FANCB: variants seen among roughly 807,000 people sequenced by gnomAD.
The protein encoded by FANCB is FA complementation group B.
Under a neutral mutation model 38.9 loss-of-function variants are expected in FANCB, and 5 were observed. That is an observed-to-expected ratio of 0.13 (90% CI 0.07 to 0.27). The LOEUF is 0.27. FANCB is among the 10% of genes least tolerant of loss of function. The pLI is 1.00. For synonymous variants in FANCB, 236 were observed against 215.4 expected (o/e 1.10, Z -0.84); for missense variants, 573 against 602.7 (o/e 0.95, Z 0.52).
At chrX:14,747,933 T>G in the FANCB span, among the ~76,000 whole-genome samples, 1 of 112,152 alleles carries the variant, frequency 8.9e-6, no homozygotes, top group East Asian at 2.8e-4. Flanking sequence ...ATAGAACAAC[T>G]GATTTCATTA....
At chrX:14,830,220 G>A in the FANCB span, among the ~76,000 whole-genome samples, 12 of 111,716 alleles carry the variant, frequency 1.1e-4, no homozygotes, top group Non-Finnish European at 1.5e-4. Context: ...TACAATAGTA[G>A]TGTCAAAGAT....
chrX:14,812,464 A>G, the FANCB span, among the ~76,000 whole-genome samples: 7 of 111,471 alleles, frequency 6.3e-5, no homozygotes, highest in African/African-American at 2.0e-4. Flanking sequence ...TAGATGCAAT[A>G]AAAAATGATA....
chrX:14,700,251 T>C, the FANCB span, among the ~76,000 whole-genome samples: 1 of 110,638 alleles, frequency 9.0e-6, no homozygotes, highest in African/African-American at 3.3e-5. Context: ...TGGATAAGAT[T>C]ACCCAGCAGG....
chrX:14,796,505 T>C, the FANCB span, among the ~76,000 whole-genome samples: 1 of 97,285 alleles, frequency 1.0e-5, no homozygotes, highest in African/African-American at 3.7e-5. Flanking sequence ...ATATATAACA[T>C]ATATAATATA....
chrX:14,846,830 G>GAA (rs764339798), intron 7 of FANCB, among the ~76,000 whole-genome samples: 33 of 95,232 alleles, frequency 3.5e-4, no homozygotes, highest in African/African-American at 9.9e-4. Context: ...TACTTTGCAT[G>GAA]AAAAAAAAAA....
At chrX:14,711,176 A>T in the FANCB span, among the ~76,000 whole-genome samples, 1 of 112,185 alleles carries the variant, frequency 8.9e-6, no homozygotes, top group Non-Finnish European at 1.9e-5. Context: ...TGTTCCTTCT[A>T]TTCTTGTTCC....
At chrX:14,833,659 T>A (rs1328155376), downstream of FANCB, among the ~76,000 whole-genome samples, 1 of 57,733 alleles carries the variant, frequency 1.7e-5, no homozygotes, top group Non-Finnish European at 3.0e-5. Context: ...TAGAATCACC[T>A]GGGGAGGCTG....
At chrX:14,804,605 G>A in the FANCB span, among the ~76,000 whole-genome samples, 1 of 110,578 alleles carries the variant, frequency 9.0e-6, no homozygotes, top group Non-Finnish European at 1.9e-5. Flanking sequence ...TGCACGTTGT[G>A]CACATGTACC....
At chrX:14,779,951 G>A in the FANCB span, among the ~76,000 whole-genome samples, 19 of 111,208 alleles carry the variant, frequency 1.7e-4, no homozygotes, top group South Asian at 6.5e-3. Context: ...TTTTCCAAGT[G>A]TGTTACTAAG....
chrX:14,852,345 T>G (rs985542341), intron 6 of FANCB, among the ~76,000 whole-genome samples: 1 of 109,704 alleles, frequency 9.1e-6, no homozygotes, highest in Admixed American at 9.7e-5. Flanking sequence ...ATTTTTGTAT[T>G]TTTAGTAGAG....
chrX:14,737,425 A>G, the FANCB span, among the ~76,000 whole-genome samples: 1 of 112,267 alleles, frequency 8.9e-6, no homozygotes, highest in Non-Finnish European at 1.9e-5. Flanking sequence ...CAAATATTGA[A>G]TAATTTTCAT....
the FANCB span, among the ~76,000 whole-genome samples, chrX:14,727,926 C>A: frequency 3.0e-4 from 34 of 111,926 alleles, no homozygotes; most frequent in East Asian, 5.9e-3. Context: ...TAGTACAATG[C>A]TTGTCACAGA....
At chrX:14,777,903 G>A in the FANCB span, among the ~76,000 whole-genome samples, 13 of 111,936 alleles carry the variant, frequency 1.2e-4, no homozygotes, top group African/African-American at 4.2e-4. Context: ...TTGGAGACTT[G>A]TTATAAGATA....
At chrX:14,766,582 T>C in the FANCB span, among the ~76,000 whole-genome samples, 6 of 112,174 alleles carry the variant, frequency 5.3e-5, no homozygotes, top group Non-Finnish European at 1.1e-4. Context: ...AGAGCAGTTG[T>C]CACTGTCGGC....
downstream of FANCB, among the ~76,000 whole-genome samples, chrX:14,842,533 G>A (rs988686263): frequency 6.3e-5 from 7 of 111,591 alleles, no homozygotes; most frequent in African/African-American, 2.0e-4. Context: ...TTCTCCTGAC[G>A]TTCTCTTATT....
At chrX:14,737,828 G>A in the FANCB span, among the ~76,000 whole-genome samples, 4 of 111,815 alleles carry the variant, frequency 3.6e-5, no homozygotes, top group African/African-American at 9.8e-5. Flanking sequence ...TTCCTTTCCA[G>A]ACAAATAAGG....
chrX:14,833,674 T>TG (rs56758477), downstream of FANCB, among the ~76,000 whole-genome samples: 6,939 of 103,634 alleles, frequency 0.067, 213 homozygotes, highest in Non-Finnish European at 0.076. Flanking sequence ...AGGCTGGGTG[T>TG]GGGGGGGGTT....
the FANCB span, among the ~76,000 whole-genome samples, chrX:14,692,982 T>G: frequency 1.8e-5 from 2 of 110,205 alleles, no homozygotes; most frequent in East Asian, 2.8e-4. Flanking sequence ...GCATGGCACA[T>G]GTATACATAT....
chrX:14,690,659 T>TTC, the FANCB span: 972 of 770,221 alleles, frequency 1.3e-3, 2 homozygotes, highest in South Asian at 0.011. Context: ...TAGTCTTTCT[T>TTC]TCTCTCTCTC....
Sources: gnomAD v4.1 joint callset for allele counts (sites outside exome capture counted in the v4.1 genomes callset) on GRCh38, gnomAD v4.1.1 for gene constraint, MANE v1.5 for transcripts, NCBI Gene and HGNC (gene_info 2026-07-23, HGNC 2026-07-21) for gene names.